The following WASHC5 variants were observed in gnomAD, a reference collection of about 807,000 sequenced individuals.
WASHC5 encodes WASH complex subunit strumpellin.
WASHC5 carries 101 observed loss-of-function variants against 150.4 expected under a neutral mutation model. The observed-to-expected ratio is 0.67, with a 90% CI of 0.57 to 0.79. The LOEUF is 0.79. WASHC5 is among the 30% of genes least tolerant of loss of function. The pLI is 0.00. For missense variants in WASHC5, 1,195 were observed against 1,396.3 expected, an observed-to-expected ratio of 0.86 and a Z score of 2.30; for synonymous variants, 467 against 491.2, an observed-to-expected ratio of 0.95 and a Z score of 0.65.
At chr8:125,074,849 T>G in intron 8 of WASHC5, 149 bp downstream of exon 8, 1 of 687,156 alleles carries the variant, frequency 1.5e-6, no homozygotes, top group Non-Finnish European at 2.7e-6. Flanking sequence ...TATCTTATTC[T>G]AACCTATAAA....
intron 23 of WASHC5, among the ~76,000 whole-genome samples, chr8:125,042,803 G>T (rs1815934025): frequency 6.6e-6 from 1 of 152,100 alleles, no homozygotes; most frequent in African/African-American, 2.4e-5. Flanking sequence ...CATCACGAGA[G>T]GATATCTAGC....
At chr8:125,029,530 T>C (rs1164141403) in intron 27 of WASHC5, among the ~76,000 whole-genome samples, 1 of 152,244 alleles carries the variant, frequency 6.6e-6, no homozygotes, top group African/African-American at 2.4e-5. Flanking sequence ...ATGTTCATCT[T>C]TGTTTCTCCA....
chr8:125,039,188 C>G (rs1052656152), intron 24 of WASHC5, among the ~76,000 whole-genome samples: 1 of 152,180 alleles, frequency 6.6e-6, no homozygotes, highest in African/African-American at 2.4e-5. Context: ...ATTCACCATT[C>G]AAATTTTCAT....
At chr8:125,066,834 G>A (rs62529095) in intron 10 of WASHC5, among the ~76,000 whole-genome samples, 2,097 of 152,118 alleles carry the variant, frequency 0.014, 28 homozygotes, top group South Asian at 0.021. Context: ...TCTCCATCAC[G>A]CTCCCTACCT....
intron 26 of WASHC5, among the ~76,000 whole-genome samples, chr8:125,034,254 C>G (rs1489327974): frequency 2.6e-5 from 4 of 152,086 alleles, no homozygotes; most frequent in Non-Finnish European, 5.9e-5. Flanking sequence ...AATCTTGGCA[C>G]TTTGGGAGGC....
chr8:125,046,536 G>A (rs948470213), intron 20 of WASHC5, among the ~76,000 whole-genome samples: 7 of 152,170 alleles, frequency 4.6e-5, no homozygotes, highest in Non-Finnish European at 1.0e-4. Context: ...CAGAGGGCCT[G>A]GAGTGTATTC....
In WASHC5 at chr8:125,084,032, C is replaced by CAAAAAAAAAA; in HGVS notation, c.-124-11_-124-10insTTTTTTTTTT. ...TCCTCCATTAAAGAACCTGTATCCC[C>CAAAAAAAAAA]AAAAAAAGTGTGAAAATCTCAATTT... On this transcript the variant is annotated splice_polypyrimidine_tract_variant and intron_variant, in intron 1 of 28. Transcript: ENST00000318410. The CAAAAAAAAAA allele has an allele frequency of 1.2e-6, 1 of 805,862 alleles. No homozygotes were observed. Among genetic ancestry groups the CAAAAAAAAAA allele is most frequent in the African/African-American group, 1.8e-5 (1 of 57,052 alleles). The allele number at this position is 805,862 out of a possible 1,614,324, so 49.9% of individuals were successfully genotyped here. A position where few individuals can be genotyped will look rare whatever the true frequency, so the allele number is the denominator to read the frequency against.
At chr8:125,086,437 G>C (rs1817423636) in intron 1 of WASHC5, among the ~76,000 whole-genome samples, 1 of 152,056 alleles carries the variant, frequency 6.6e-6, no homozygotes, top group Non-Finnish European at 1.5e-5. Flanking sequence ...ACCAAGCCTG[G>C]CCCTCCTTTG....
chr8:125,049,399 A>T (rs1343339060), intron 18 of WASHC5, among the ~76,000 whole-genome samples: 5 of 151,702 alleles, frequency 3.3e-5, no homozygotes, highest in African/African-American at 4.9e-5. Flanking sequence ...ACTCTACTAA[A>T]AAAATATAAA....
intron 12 of WASHC5, among the ~76,000 whole-genome samples, chr8:125,060,484 T>TAAAAAAA (rs1233192998): frequency 2.8e-5 from 3 of 108,726 alleles, no homozygotes; most frequent in African/African-American, 1.7e-4. Context: ...GGATTCCGTC[T>TAAAAAAA]CAAAAAAAAA....
Position 125,083,191 on chromosome 8 carries a change from C to T in WASHC5, c.254G>A (p.Arg85His), listed in dbSNP as rs763847351. The change falls in exon 3 of 29, where the codon CGT (arginine) becomes CAT (histidine). Residue 85 changes from arginine (R) to histidine (H), a missense_variant. Around this residue, in one of 3 missense-constraint regions of WASHC5, gnomAD observed 195 missense variants for 206.9 expected, o/e 0.94. Coordinates refer to ENST00000318410, the MANE Select transcript of WASHC5 (RefSeq NM_014846.4). ...GGTCACAATTTCTATGTTGTTTTCA[C>T]GAAATTCTTCATCTAAATCCTGTAG... is the stretch of plus-strand genomic sequence containing the variant. ...PELQDLDEEF[R>H]ENNIEIVTRF... The T allele has an allele frequency of 8.7e-6, 14 of 1,608,220 alleles. No individual in the cohort carries two copies. Among genetic ancestry groups the T allele is most frequent in the East Asian group, 2.2e-5 (1 of 44,758 alleles).
Position 125,039,821 on chromosome 8 carries a change from C to T in WASHC5, c.2928G>A (p.Leu976=), listed in dbSNP as rs771802610. ...NYSCRFDSKH[L]AAALENLNKA... is the part of the protein sequence containing the mutation. ...TATTGAGATTCTCCAGAGCAGCTGC[C>T]AGATGTTTAGAATCAAACCGACAAG... Residue 976 remains leucine, a synonymous_variant, in exon 24 of 29, where the codon CTG becomes CTA. Coordinates refer to ENST00000318410, the MANE Select transcript of WASHC5 (RefSeq NM_014846.4). 1 of 1,613,528 alleles carries T rather than the reference C, an allele frequency of 6.2e-7. No individual in the cohort carries two copies.
intron 3 of WASHC5, 41 bp downstream of exon 3, chr8:125,083,072 T>C: frequency 7.7e-7 from 1 of 1,302,208 alleles, no homozygotes; most frequent in Non-Finnish European, 1.1e-6. Flanking sequence ...CCCTCTCCAC[T>C]ATTTACTACC....
rs1586367003 is a variant in WASHC5, at chr8:125,063,458, C to A, written c.1408+64G>T. ...TAAAGTCTTTTTAACCTGCCAGTTT[C>A]CAAGGTTTCAAATAACCTGTGCACA... On this transcript the variant is annotated intron_variant, in intron 11 of 28. Transcript: ENST00000318410. 5.8e-6 allele frequency: 9 copies of A among 1,561,722 alleles called. No individual in the cohort carries two copies. The East Asian group carries it at 2.0e-4, about 35-fold the overall frequency.
At chr8:125,044,292 G>A (rs1453165123) in intron 21 of WASHC5, among the ~76,000 whole-genome samples, 198 bp from the exon 22 acceptor site, 1 of 152,174 alleles carries the variant, frequency 6.6e-6, no homozygotes, top group Non-Finnish European at 1.5e-5. Context: ...TGGCTTCAAG[G>A]ATTAAAAAGT....
chr8:125,090,503 T>C (rs148799393), intron 1 of WASHC5, among the ~76,000 whole-genome samples: 3 of 152,360 alleles, frequency 2.0e-5, no homozygotes, highest in African/African-American at 7.2e-5. Context: ...GGCTATATTA[T>C]TATTGGCATG....
chr8:125,067,711 G>A lies in WASHC5; in HGVS notation c.1159C>T (p.Pro387Ser). 6.2e-7 allele frequency: 1 copy of A among 1,613,422 alleles called. No homozygotes were observed. The highest frequency in any genetic ancestry group is 8.5e-7 in the Non-Finnish European group (1 of 1,179,700). Residue 387 changes from proline (P) to serine (S), a missense_variant, in exon 10 of 29, where the codon CCA becomes TCA. Physicochemically the swap from Pro to Ser is moderately conservative, Grantham distance 74. Around this residue, in one of 3 missense-constraint regions of WASHC5, gnomAD observed 997 missense variants for 1,168.1 expected, o/e 0.85. Transcript: ENST00000318410. The stretch of plus-strand genomic sequence containing the variant: ...ATTTGACGAAGGCGTTTGTTGTTTG[G>A]GTCACAGGCTAGAAACAGGAAAAGT... ...MLHTADSACDPNNKRLRQIKD... is the reference protein window; with the variant it reads ...MLHTADSACDSNNKRLRQIKD...
In WASHC5 at chr8:125,059,430, A is replaced by G; in HGVS notation, c.1634T>C (p.Leu545Pro). The G allele has an allele frequency of 6.2e-7, 1 of 1,614,226 alleles. No individual in the cohort carries two copies. Among genetic ancestry groups the G allele is most frequent in the Non-Finnish European group, 8.5e-7 (1 of 1,180,026 alleles). ...GTCCCCAACGATCTGCATTGTGATC[A>G]GAACCTCCTCTTTAATGTTAATGGT... ...IRTINIKEEV[L>P]ITMQIVGDLS... The change falls in exon 13 of 29, where the codon CTG (leucine) becomes CCG (proline). Residue 545 changes from leucine to proline, a missense_variant. Leu to Pro is a moderately conservative substitution (Grantham distance 98, BLOSUM62 -3). This residue lies in a region of WASHC5 where 997 missense variants were observed against 1,168.1 expected (regional missense o/e 0.85). Transcript: ENST00000318410.
rs563924814 is a variant in WASHC5, at chr8:125,057,990, T to C, written c.1765-324A>G. Among the ~76,000 whole-genome samples the C allele has an allele frequency of 7.2e-5, 11 of 152,054 alleles. No individual in the cohort carries two copies. The East Asian group carries it at 1.9e-3, about 27-fold the overall frequency. ...GTGTTACAACCAGCCCCGCAGGTGA[T>C]TCTGATGCATGCTCAAGTTTGAGAG... On this transcript the variant is annotated intron_variant, in intron 14 of 28. Coordinates refer to ENST00000318410, the MANE Select transcript of WASHC5 (RefSeq NM_014846.4).
Sources: gnomAD v4.1 joint callset for allele counts (sites outside exome capture counted in the v4.1 genomes callset) on GRCh38, gnomAD v4.1.1 for gene constraint, gnomAD v4.1.1 regional missense constraint, MANE v1.5 for transcripts, NCBI Gene and HGNC (gene_info 2026-07-23, HGNC 2026-07-21) for gene names.